The following KIAA1217 variants were observed in gnomAD, a reference collection of about 807,000 sequenced individuals.
KIAA1217 encodes sickle tail protein homolog.
Under a neutral mutation model 163.9 loss-of-function variants are expected in KIAA1217, and 88 were observed. The ratio of observed to expected loss-of-function variants is 0.54; its 90% CI spans 0.45 to 0.64. The LOEUF is 0.64. Ranked by LOEUF, KIAA1217 falls within the 30% of genes least tolerant of loss-of-function variation. The pLI, the probability that KIAA1217 is intolerant of heterozygous loss-of-function variation, is 0.00. For missense variants in KIAA1217, 2,372 were observed against 2,475.0 expected, an observed-to-expected ratio of 0.96 and a Z score of 0.88; for synonymous variants, 903 against 923.1, an observed-to-expected ratio of 0.98 and a Z score of 0.39.
At chr10:24,171,975 T>C (rs1415455580) in intron 2 of KIAA1217, among the ~76,000 whole-genome samples, 1 of 152,128 alleles carries the variant, frequency 6.6e-6, no homozygotes, top group African/African-American at 2.4e-5. Flanking sequence ...TCCTCTGAGG[T>C]TGGGGCTATT....
At chr10:23,854,123 T>C (rs1207584079) in intron 1 of KIAA1217, among the ~76,000 whole-genome samples, 2 of 152,218 alleles carry the variant, frequency 1.3e-5, no homozygotes, top group East Asian at 3.9e-4. Context: ...CAATTTTGGA[T>C]CTTTCCTGCT....
intron 2 of KIAA1217, among the ~76,000 whole-genome samples, chr10:24,309,252 A>G (rs1165276217): frequency 6.6e-6 from 1 of 152,078 alleles, no homozygotes; most frequent in Admixed American, 6.5e-5. Context: ...CATGCCATCA[A>G]TATGATGGGG....
chr10:24,305,081 A>G (rs2041854524), intron 2 of KIAA1217, among the ~76,000 whole-genome samples: 1 of 152,208 alleles, frequency 6.6e-6, no homozygotes, highest in East Asian at 1.9e-4. Context: ...GAAGGTCTCA[A>G]AGTTCTTTGA....
intron 1 of KIAA1217, among the ~76,000 whole-genome samples, chr10:23,915,127 G>A (rs1051628338): frequency 1.3e-5 from 2 of 152,044 alleles, no homozygotes; most frequent in Non-Finnish European, 2.9e-5. Flanking sequence ...AAAGGGGTGA[G>A]GAAGACAGAA....
At chr10:24,184,860 C>T (rs1044946883) in intron 2 of KIAA1217, among the ~76,000 whole-genome samples, 2 of 152,194 alleles carry the variant, frequency 1.3e-5, no homozygotes, top group African/African-American at 4.8e-5. Context: ...ATCACAGACA[C>T]GCTGGAGAAT....
chr10:24,285,875 T>C lies in KIAA1217; in HGVS notation c.354+65966T>C, dbSNP rs182075164. ...TTGCTTGTGTTGTCCATGATTTCTT[T>C]CAGCAGTGTTTTATAGTTCCCTTAC... On this transcript the variant is annotated intron_variant, in intron 2 of 20. Coordinates refer to ENST00000376454, the MANE Select transcript of KIAA1217 (RefSeq NM_019590.5). Among the ~76,000 whole-genome samples the C allele has an allele frequency of 2.8e-4, 42 of 152,310 alleles. 1 individual carries two copies. The East Asian group carries it at 7.3e-3, about 27-fold the overall frequency.
chr10:24,272,810 G>A (rs111289407), intron 2 of KIAA1217, among the ~76,000 whole-genome samples: 13 of 151,976 alleles, frequency 8.6e-5, no homozygotes, highest in Non-Finnish European at 1.6e-4. Context: ...TGAGTTATTC[G>A]CCTGAAGGAA....
chr10:23,783,002 T>A (rs552690659), intron 1 of KIAA1217, among the ~76,000 whole-genome samples: 2 of 152,210 alleles, frequency 1.3e-5, no homozygotes, highest in African/African-American at 4.8e-5. Flanking sequence ...TATGTTGAAG[T>A]TCTTTTCTAT....
intron 5 of KIAA1217, among the ~76,000 whole-genome samples, chr10:24,454,029 A>G (rs2061581156): frequency 6.6e-6 from 1 of 152,170 alleles, no homozygotes; most frequent in African/African-American, 2.4e-5. Context: ...TGAGGGTTCA[A>G]GGAAGGAACA....
chr10:24,395,211 C>G (rs193170094), intron 3 of KIAA1217, among the ~76,000 whole-genome samples: 86 of 152,166 alleles, frequency 5.7e-4, no homozygotes, highest in Admixed American at 3.9e-4. Flanking sequence ...ACCTCTCCCC[C>G]ATTCTTTGCT....
At chr10:23,989,662 C>T (rs761862055) in intron 1 of KIAA1217, among the ~76,000 whole-genome samples, 1 of 152,148 alleles carries the variant, frequency 6.6e-6, no homozygotes, top group African/African-American at 2.4e-5. Context: ...GTATCAGTTC[C>T]TGTACCCCCA....
chr10:23,790,380 T>TGCATATATACATATGCATATATAC (rs1835784418), intron 1 of KIAA1217, among the ~76,000 whole-genome samples: 1 of 81,240 alleles, frequency 1.2e-5, no homozygotes, highest in Non-Finnish European at 2.5e-5. Flanking sequence ...TACATATGTA[T>TGCATATATACATATGCATATATAC]ATATACATAT....
intron 1 of KIAA1217, among the ~76,000 whole-genome samples, chr10:23,951,148 T>C (rs189220528): frequency 6.6e-6 from 1 of 152,238 alleles, no homozygotes; most frequent in African/African-American, 2.4e-5. Context: ...CCTAATCCCA[T>C]TCTGGGGAGG....
At chr10:23,855,078 G>C (rs1158871539) in intron 1 of KIAA1217, among the ~76,000 whole-genome samples, 1 of 152,106 alleles carries the variant, frequency 6.6e-6, no homozygotes, top group Non-Finnish European at 1.5e-5. Flanking sequence ...TGGTTATTTT[G>C]CTCGTTAGTT....
At chr10:23,995,481 T>TGTGTGTGTGTGTGTGTGA (rs1302883881) in intron 1 of KIAA1217, among the ~76,000 whole-genome samples, 1 of 144,432 alleles carries the variant, frequency 6.9e-6, no homozygotes, top group African/African-American at 2.5e-5. Context: ...TGTGTGTGTG[T>TGTGTGTGTGTGTGTGTGA]GAGTGTGTGT....
intron 2 of KIAA1217, among the ~76,000 whole-genome samples, chr10:24,020,358 T>C (rs139384461): frequency 6.6e-6 from 1 of 152,194 alleles, no homozygotes; most frequent in Non-Finnish European, 1.5e-5. Flanking sequence ...CTAAGTAGCA[T>C]TGTCAGTAAA....
Position 24,090,763 on chromosome 10 carries a change from A to T in KIAA1217, c.-171+83389A>T, listed in dbSNP as rs567243248. ...GCTTCCTAGCATTCTTAACTCTGGT[A>T]TCAATGGTGCTAAGTATTCTAGAAT... On this transcript the variant is annotated intron_variant, in intron 2 of 18. Coordinates refer to the KIAA1217 transcript ENST00000376462. 9.6e-4 allele frequency among the ~76,000 whole-genome samples: 146 copies of T among 151,990 alleles called. 3 individuals are homozygous for T. Among genetic ancestry groups the T allele is most frequent in the African/African-American group, 3.5e-3 (144 of 41,256 alleles).
chr10:23,924,854 A>G (rs140465289), intron 1 of KIAA1217, among the ~76,000 whole-genome samples: 3 of 151,856 alleles, frequency 2.0e-5, no homozygotes, highest in Non-Finnish European at 4.4e-5. Context: ...ATGCTATTAA[A>G]CTAGGATGTG....
At chr10:23,704,172 G>GTGTGTGTGTGTATATATATA (rs1229370789) in intron 1 of KIAA1217, among the ~76,000 whole-genome samples, 20 of 39,934 alleles carry the variant, frequency 5.0e-4, no homozygotes, top group African/African-American at 2.3e-3. Flanking sequence ...GTGTGTGTGT[G>GTGTGTGTGTGTATATATATA]TATATATATA....
Sources: gnomAD v4.1 joint callset for allele counts (sites outside exome capture counted in the v4.1 genomes callset) on GRCh38, gnomAD v4.1.1 for gene constraint, MANE v1.5 for transcripts, NCBI Gene and HGNC (gene_info 2026-07-23, HGNC 2026-07-21) for gene names.